Variants in BABAM2 observed in about 807,000 individuals in gnomAD.
The protein encoded by BABAM2 is BRISC and BRCA1 A complex member 2, also known as BRISC and BRCA1-A complex member 2.
BABAM2 carries 31 observed loss-of-function variants against 54.7 expected under a neutral mutation model. The ratio of observed to expected loss-of-function variants is 0.57; its 90% confidence interval spans 0.43 to 0.77. The LOEUF (loss-of-function observed/expected upper bound fraction) is 0.77, where lower values mean the gene tolerates loss of function less well. BABAM2 is among the 30% of genes least tolerant of loss of function. The pLI, the probability that BABAM2 is intolerant of heterozygous loss-of-function variation, is 0.00. For synonymous variants in BABAM2, 167 were observed against 162.9 expected (o/e 1.03, Z -0.19); for missense variants, 364 against 455.8 (o/e 0.80, Z 1.83).
At chr2:28,258,410 T>C (rs1684150597) in intron 10 of BABAM2, among the ~76,000 whole-genome samples, 2 of 152,148 alleles carry the variant, frequency 1.3e-5, no homozygotes, top group South Asian at 4.1e-4. Context: ...TGTGAGAGTT[T>C]AATTTTTCCC....
At chr2:28,153,971 G>A (rs1283262897) in intron 7 of BABAM2, among the ~76,000 whole-genome samples, 3 of 152,154 alleles carry the variant, frequency 2.0e-5, no homozygotes, top group Non-Finnish European at 4.4e-5. Flanking sequence ...ATTCAGCAGA[G>A]TTGCACAGAA....
intron 7 of BABAM2, among the ~76,000 whole-genome samples, chr2:28,214,294 T>C (rs1679738014): frequency 6.6e-6 from 1 of 152,210 alleles, no homozygotes; most frequent in Non-Finnish European, 1.5e-5. Flanking sequence ...TTGTGCTGCC[T>C]CTTTGTATTT....
intron 7 of BABAM2, among the ~76,000 whole-genome samples, chr2:28,212,759 AT>A (rs1469636555): frequency 1.3e-5 from 2 of 152,320 alleles, no homozygotes; most frequent in East Asian, 3.9e-4. Flanking sequence ...TCTAGAAAAC[AT>A]TGTCCAGTAT....
At chr2:28,188,893 C>T (rs1003229735) in intron 7 of BABAM2, among the ~76,000 whole-genome samples, 3 of 152,128 alleles carry the variant, frequency 2.0e-5, no homozygotes, top group African/African-American at 7.2e-5. Context: ...CTTTATGAGT[C>T]CTTTCATTAA....
At chr2:28,121,044 T>C (rs992408531) in intron 6 of BABAM2, among the ~76,000 whole-genome samples, 1 of 152,230 alleles carries the variant, frequency 6.6e-6, no homozygotes, top group Non-Finnish European at 1.5e-5. Context: ...AAGTAACTAC[T>C]AAATGCTGCC....
chr2:27,896,853 G>T, intron 2 of BABAM2: 2 of 211,810 alleles, frequency 9.4e-6, no homozygotes, highest in Non-Finnish European at 1.0e-5. Context: ...TTGCTTCCCA[G>T]GTGACAGGGA....
At chr2:28,012,882 G>T (rs1029131276) in intron 4 of BABAM2, among the ~76,000 whole-genome samples, 3 of 152,094 alleles carry the variant, frequency 2.0e-5, no homozygotes, top group African/African-American at 7.2e-5. Flanking sequence ...AAGAGATGTG[G>T]TTTAAAATTT....
At chr2:27,961,873 A>G (rs1013657411) in intron 3 of BABAM2, among the ~76,000 whole-genome samples, 1 of 151,578 alleles carries the variant, frequency 6.6e-6, no homozygotes, top group East Asian at 1.9e-4. Context: ...GACTACAGGC[A>G]TGCACCCCCG....
chr2:28,186,229 T>C (rs1676265079), intron 7 of BABAM2, among the ~76,000 whole-genome samples: 1 of 152,200 alleles, frequency 6.6e-6, no homozygotes, highest in African/African-American at 2.4e-5. Context: ...TTATTATGGG[T>C]AATACCAAAA....
chr2:28,126,754 C>T (rs376153984), intron 6 of BABAM2, among the ~76,000 whole-genome samples: 1,839 of 145,040 alleles, frequency 0.013, 22 homozygotes, highest in South Asian at 0.043. Context: ...GTTTACAGTC[C>T]CACCAACAGT....
intron 7 of BABAM2, among the ~76,000 whole-genome samples, chr2:28,171,277 T>A (rs1330540655): frequency 1.3e-5 from 2 of 152,236 alleles, no homozygotes; most frequent in African/African-American, 4.8e-5. Flanking sequence ...AAGACTACTG[T>A]TCTAATAGTC....
upstream of BABAM2, chr2:27,890,128 TGCAGC>T: frequency 2.7e-6 from 2 of 754,574 alleles, no homozygotes; most frequent in Non-Finnish European, 4.3e-6. This position sits in a 1 kb window ranked among gnomAD's most constrained non-coding sequence, Gnocchi z 4.8. Flanking sequence ...TTCGAAAACC[TGCAGC>T]TCATACCCAA....
Position 28,275,144 on chromosome 2 carries a change from A to G in BABAM2, c.935-23194A>G, listed in dbSNP as rs533754652. Among the ~76,000 whole-genome samples, 5 of 152,138 alleles carry G rather than the reference A, an allele frequency of 3.3e-5. No individual in the cohort carries two copies. In the South Asian group the frequency reaches 1.0e-3, roughly 32 times the overall value. On this transcript the variant is annotated intron_variant, in intron 10 of 11. Coordinates refer to ENST00000379624, the MANE Select transcript of BABAM2 (RefSeq NM_199191.3). ...AATTTTCAGATGGACCAGTGATTTC[A>G]TTTTCCTCTTCTAAAGCACCCCCAT...
At chr2:28,334,849 T>C (rs1249047684) in intron 11 of BABAM2, among the ~76,000 whole-genome samples, 2 of 152,172 alleles carry the variant, frequency 1.3e-5, no homozygotes, top group East Asian at 3.9e-4. Flanking sequence ...GGGCTTCTCC[T>C]GCCCTGCCCG....
chr2:28,254,005 C>T (rs867579713), intron 10 of BABAM2, among the ~76,000 whole-genome samples: 4 of 152,168 alleles, frequency 2.6e-5, no homozygotes, highest in African/African-American at 7.2e-5. Context: ...TTACCAAAAA[C>T]GTGATTTAAC....
At chr2:28,206,814 T>C (rs79126957) in intron 7 of BABAM2, among the ~76,000 whole-genome samples, 2,685 of 152,306 alleles carry the variant, frequency 0.018, 68 homozygotes, top group African/African-American at 0.061. Flanking sequence ...TGTTTACTAC[T>C]CTTACAACAT....
At chr2:28,100,660 CAA>C (rs1667007906) in intron 6 of BABAM2, among the ~76,000 whole-genome samples, 1 of 152,006 alleles carries the variant, frequency 6.6e-6, no homozygotes, top group South Asian at 2.1e-4. Context: ...GAAGCACAAA[CAA>C]GAGACACTGG....
intron 7 of BABAM2, among the ~76,000 whole-genome samples, chr2:28,179,758 G>T (rs1381060744): frequency 6.6e-6 from 1 of 152,112 alleles, no homozygotes; most frequent in Non-Finnish European, 1.5e-5. Flanking sequence ...TCTTAGCTGT[G>T]GTAAGCAAAT....
chr2:27,894,636 T>C lies in BABAM2; in HGVS notation c.80T>C (p.Val27Ala), dbSNP rs1336137758. Residue 27 changes from valine to alanine, a missense_variant, in exon 2 of 12, where the codon GTG becomes GCG. Transcript: ENST00000379624. ...FISSVVRNGK[V>A]GLDATNCLRI... The stretch of plus-strand genomic sequence containing the variant: ...TCTAGCGTGGTCCGGAATGGAAAAG[T>C]GGGACTGGATGCTACAAACTGTTTG... 1.2e-6 allele frequency: 2 copies of C among 1,614,172 alleles called. No homozygotes were observed. Among genetic ancestry groups the C allele is most frequent in the Non-Finnish European group, 1.7e-6 (2 of 1,180,010 alleles).
Sources: gnomAD v4.1 joint callset for allele counts (sites outside exome capture counted in the v4.1 genomes callset) on GRCh38, gnomAD v4.1.1 for gene constraint, Gnocchi (gnomAD v3.1) non-coding constraint, MANE v1.5 for transcripts, NCBI Gene and HGNC (gene_info 2026-07-23, HGNC 2026-07-21) for gene names.